Variants in SORL1 observed in about 807,000 individuals in gnomAD.
SORL1 encodes the protein sortilin-related receptor.
In SORL1, 127 loss-of-function variants were observed where a neutral mutation model predicts 273.7. That is an observed-to-expected ratio of 0.46 (90% CI 0.40 to 0.54). The LOEUF (loss-of-function observed/expected upper bound fraction) is 0.54. Among genes scored for constraint, SORL1 ranks in the 20% least tolerant of loss-of-function variants. SORL1 has a pLI of 0.00. For synonymous variants in SORL1, 1,031 were observed against 1,067.4 expected (o/e 0.97, Z 0.66); for missense variants, 2,494 against 2,846.1 (o/e 0.88, Z 2.81).
At chr11:121,513,279 C>T (rs1177877184) in intron 7 of SORL1, among the ~76,000 whole-genome samples, 175 bp downstream of exon 7, 1 of 152,214 alleles carries the variant, frequency 6.6e-6, no homozygotes, top group African/African-American at 2.4e-5. Context: ...GTTCCCACTT[C>T]ACTGAAGCAG....
chr11:121,466,409 C>T (rs753593130), intron 1 of SORL1, among the ~76,000 whole-genome samples: 1 of 152,116 alleles, frequency 6.6e-6, no homozygotes, highest in Non-Finnish European at 1.5e-5. Context: ...CCAAACAAAC[C>T]GGAAGCCACT....
chr11:121,522,645 G>C lies in SORL1; in HGVS notation c.1464G>C (p.Gln488His), dbSNP rs1357619249. The C allele has an allele frequency of 1.6e-5, 26 of 1,614,088 alleles. No individual in the cohort carries two copies. Among genetic ancestry groups the C allele is most frequent in the East Asian group, 2.2e-5 (1 of 44,894 alleles). The change falls in exon 10 of 48, where the codon CAG becomes CAC. Residue 488 changes from glutamine to histidine, a missense_variant. Around this residue, in one of 3 missense-constraint regions of SORL1, gnomAD observed 710 missense variants for 882.5 expected, o/e 0.80. Transcript: ENST00000260197. The stretch of plus-strand genomic sequence containing the variant: ...GCCTCAGTCAGCTCCTCAACCTCCA[G>C]CTCCGGAGAATGCCCATCCTGTCCA... ...AQRLSQLLNL[Q>H]LRRMPILSKE...
chr11:121,585,832 GCTGT>G (rs560193704), intron 26 of SORL1, among the ~76,000 whole-genome samples: 90 of 152,058 alleles, frequency 5.9e-4, no homozygotes, highest in Middle Eastern at 3.4e-3. Flanking sequence ...TCTCTTTATA[GCTGT>G]CTGTGTTCCA....
intron 3 of SORL1, among the ~76,000 whole-genome samples, chr11:121,481,074 G>A (rs112673780): frequency 1.9e-4 from 19 of 97,620 alleles, no homozygotes; most frequent in Middle Eastern, 9.3e-3. Flanking sequence ...CCTATAGGCA[G>A]GCTTCATCTC....
intron 44 of SORL1, 75 bp from the exon 45 acceptor site, chr11:121,622,087 C>A: frequency 1.2e-6 from 1 of 866,654 alleles, no homozygotes. Flanking sequence ...TATTTAATCT[C>A]TCTTTGATAG....
At chr11:121,484,896 G>C (rs1234783191) in intron 3 of SORL1, among the ~76,000 whole-genome samples, 30 of 152,082 alleles carry the variant, frequency 2.0e-4, no homozygotes, top group Non-Finnish European at 2.9e-5. Context: ...TGGAATTATA[G>C]GTGCACACCA....
intron 25 of SORL1, among the ~76,000 whole-genome samples, chr11:121,579,285 T>C (rs1591336245): frequency 6.6e-6 from 1 of 152,342 alleles, no homozygotes; most frequent in East Asian, 1.9e-4. Flanking sequence ...CTCTGTCATC[T>C]CAAAATAGTT....
In SORL1 at chr11:121,504,852, G is replaced by A. The variant is rs572444238; in HGVS notation, c.939+7803G>A. On this transcript the variant is annotated intron_variant, in intron 6 of 47. Transcript: ENST00000260197. Reference sequence around the variant, plus strand: ...TTTTCTAGATGTCCTTTATCAATTTGAGGAAGGTTCCCTTCTATTCATGGG... The same window carrying A: ...TTTTCTAGATGTCCTTTATCAATTTAAGGAAGGTTCCCTTCTATTCATGGG... 5.3e-5 allele frequency among the ~76,000 whole-genome samples: 8 copies of A among 152,216 alleles called. No homozygotes were observed. The East Asian group carries it at 1.4e-3, about 26-fold the overall frequency.
chr11:121,549,931 G>C (rs376639440), intron 14 of SORL1, 29 bp from the exon 15 acceptor site: 5 of 1,610,272 alleles, frequency 3.1e-6, no homozygotes, highest in Middle Eastern at 3.3e-4. Context: ...TAAAACCGTG[G>C]CCTTAACAAA....
chr11:121,539,453 C>G (rs1862313177), intron 12 of SORL1, among the ~76,000 whole-genome samples: 1 of 152,162 alleles, frequency 6.6e-6, no homozygotes, highest in Non-Finnish European at 1.5e-5. Flanking sequence ...CATAATTCTC[C>G]TAGAGATTAT....
chr11:121,454,205 C>G (rs1860863773), intron 1 of SORL1, among the ~76,000 whole-genome samples: 1 of 152,224 alleles, frequency 6.6e-6, no homozygotes, highest in Non-Finnish European at 1.5e-5. Context: ...GGAGGAGTGG[C>G]CCACTTCTTC....
chr11:121,614,447 T>A (rs540617758), intron 40 of SORL1: 1 of 169,454 alleles, frequency 5.9e-6, no homozygotes, highest in South Asian at 1.3e-4. Context: ...ATTTAATTAT[T>A]ATCCTGTTAC....
At chr11:121,454,910 C>T (rs1449499852) in intron 1 of SORL1, among the ~76,000 whole-genome samples, 1 of 152,146 alleles carries the variant, frequency 6.6e-6, no homozygotes, top group African/African-American at 2.4e-5. Context: ...TCTAAGTTGT[C>T]TCTGGTGGTT....
At chr11:121,602,713 T>A (rs1441347209) in intron 32 of SORL1, among the ~76,000 whole-genome samples, 1 of 152,234 alleles carries the variant, frequency 6.6e-6, no homozygotes, top group Non-Finnish European at 1.5e-5. Context: ...ACAATGCTCA[T>A]ATCACCTTTA....
intron 2 of SORL1, among the ~76,000 whole-genome samples, chr11:121,473,870 G>A (rs1269677865): frequency 1.3e-5 from 2 of 152,076 alleles, no homozygotes; most frequent in African/African-American, 4.8e-5. Flanking sequence ...ACTCCAGGCT[G>A]GGTGACAGAG....
intron 3 of SORL1, among the ~76,000 whole-genome samples, chr11:121,482,952 T>C (rs1329300889): frequency 6.6e-6 from 1 of 152,232 alleles, no homozygotes; most frequent in East Asian, 1.9e-4. Flanking sequence ...TAGCCAGCAG[T>C]CCCACTTCCT....
chr11:121,496,610 T>C (rs902431559), intron 5 of SORL1, among the ~76,000 whole-genome samples: 6 of 152,226 alleles, frequency 3.9e-5, no homozygotes, highest in Admixed American at 2.6e-4. Flanking sequence ...TTTTTGCTCT[T>C]CCTAAGCAGG....
chr11:121,569,252 T>G (rs1377853982), intron 22 of SORL1, among the ~76,000 whole-genome samples: 1 of 152,200 alleles, frequency 6.6e-6, no homozygotes, highest in Non-Finnish European at 1.5e-5. Context: ...ATGATTGCAT[T>G]AACTGCACAA....
At chr11:121,458,462 AC>A (rs1318968853) in intron 1 of SORL1, among the ~76,000 whole-genome samples, 1 of 152,204 alleles carries the variant, frequency 6.6e-6, no homozygotes, top group African/African-American at 2.4e-5. Flanking sequence ...AAGAGAGCTC[AC>A]TGCATTTTTG....
Sources: gnomAD v4.1 joint callset for allele counts (sites outside exome capture counted in the v4.1 genomes callset) on GRCh38, gnomAD v4.1.1 for gene constraint, gnomAD v4.1.1 regional missense constraint, MANE v1.5 for transcripts, NCBI Gene and HGNC (gene_info 2026-07-23, HGNC 2026-07-21) for gene names.